The following BASP1 variants were observed in gnomAD, a reference collection of about 807,000 sequenced individuals.
BASP1 encodes the protein brain acid soluble protein 1.
Under a neutral mutation model 2.2 loss-of-function variants are expected in BASP1, and 1 was observed. That is an observed-to-expected ratio of 0.46 (90% CI 0.16 to 2.17). BASP1 has a LOEUF of 2.17. Among genes scored for constraint, BASP1 ranks in the 30% most tolerant of loss-of-function variants. BASP1 has a pLI of 0.27. For synonymous variants in BASP1, 187 were observed against 154.2 expected, an observed-to-expected ratio of 1.21 and a Z score of -1.58; for missense variants, 352 against 327.2, an observed-to-expected ratio of 1.08 and a Z score of -0.58.
chr5:17,227,410 AAT>A (rs1739534533), intron 1 of BASP1, among the ~76,000 whole-genome samples: 2 of 134,114 alleles, frequency 1.5e-5, no homozygotes, highest in African/African-American at 5.8e-5. Flanking sequence ...ATATATATAC[AAT>A]ATTTTTTTTG....
chr5:17,233,990 G>A (rs1426351193), intron 1 of BASP1, among the ~76,000 whole-genome samples: 2 of 152,076 alleles, frequency 1.3e-5, no homozygotes, highest in East Asian at 1.9e-4. Flanking sequence ...AATTAGCTGG[G>A]CGTGGTGGCA....
At position 17,275,511 on chromosome 5, in the gene BASP1, G is replaced by C; in HGVS notation, c.295G>C (p.Glu99Gln). The C allele has an allele frequency of 2.8e-6, 4 of 1,449,128 alleles. No homozygotes were observed. Among genetic ancestry groups the C allele is most frequent in the Non-Finnish European group, 3.6e-6 (4 of 1,104,852 alleles). The allele number at this position is 1,449,128 out of a possible 1,614,324, so 89.8% of individuals were successfully genotyped here. The change falls in exon 2 of 2, where the codon GAG (glutamate) becomes CAG (glutamine). Residue 99 changes from glutamate (E) to glutamine (Q), a missense_variant. Glu to Gln is a conservative substitution (Grantham distance 29, BLOSUM62 2). Transcript: ENST00000322611. This position sits in a 1 kb window ranked among gnomAD's most constrained non-coding sequence, Gnocchi z 5.3. Reference sequence around the variant, plus strand: ...GGAGGGCGCGGCAGAGGCCAAGGCTGAGCCCCCGAAGGCGCCCGAGCAGGA... The same window carrying C: ...GGAGGGCGCGGCAGAGGCCAAGGCTCAGCCCCCGAAGGCGCCCGAGCAGGA... ...KTEGAAEAKAEPPKAPEQEQA... is the reference protein window; with the variant it reads ...KTEGAAEAKAQPPKAPEQEQA...
chr5:17,257,041 T>C (rs1740223791), intron 1 of BASP1, among the ~76,000 whole-genome samples: 1 of 152,200 alleles, frequency 6.6e-6, no homozygotes, highest in Non-Finnish European at 1.5e-5. Context: ...AAAGACACTA[T>C]CTGCTGAGGT....
Position 17,230,197 on chromosome 5 carries a change from C to T in BASP1, c.-10+12387C>T, listed in dbSNP as rs568737011. Among the ~76,000 whole-genome samples the T allele has an allele frequency of 1.6e-4, 24 of 152,274 alleles. 1 individual carries two copies. Among genetic ancestry groups the T allele is most frequent in the Admixed American group, 1.4e-3 (22 of 15,298 alleles). ...GCCTAGGCCACTTTAAAATCCTATTCTAGCATCTGTGCTTTCTTTTAGGGA... is the reference window on the plus strand; with the variant it reads ...GCCTAGGCCACTTTAAAATCCTATTTTAGCATCTGTGCTTTCTTTTAGGGA... On this transcript the variant is annotated intron_variant, in intron 1 of 1. Transcript: ENST00000322611.
intron 1 of BASP1, among the ~76,000 whole-genome samples, chr5:17,219,362 CTGTG>C (rs980474776): frequency 1.3e-5 from 2 of 152,126 alleles, no homozygotes; most frequent in Non-Finnish European, 2.9e-5. Context: ...TTTTTCCCGC[CTGTG>C]TGTGTGTTTC....
At chr5:17,218,964 C>T (rs1483017177) in intron 1 of BASP1, among the ~76,000 whole-genome samples, 1 of 145,270 alleles carries the variant, frequency 6.9e-6, no homozygotes, top group Admixed American at 6.8e-5. Flanking sequence ...TAGCACAGCA[C>T]ACATGGGTGC....
At chr5:17,238,907 A>G (rs1169712402) in intron 1 of BASP1, among the ~76,000 whole-genome samples, 1 of 152,168 alleles carries the variant, frequency 6.6e-6, no homozygotes, top group African/African-American at 2.4e-5. Flanking sequence ...TTTCCCTTCA[A>G]GAGGACTTCC....
At chr5:17,250,039 T>C (rs1412763225) in intron 1 of BASP1, among the ~76,000 whole-genome samples, 1 of 152,182 alleles carries the variant, frequency 6.6e-6, no homozygotes, top group Non-Finnish European at 1.5e-5. Context: ...GCCTCTTGGA[T>C]TCAAGCAATT....
intron 1 of BASP1, among the ~76,000 whole-genome samples, chr5:17,263,262 G>C (rs1432652467): frequency 1.3e-5 from 2 of 151,884 alleles, no homozygotes; most frequent in African/African-American, 4.8e-5. Flanking sequence ...ATCTTTATGG[G>C]GTACAAAGTA....
At chr5:17,220,008 G>A (rs537403566) in intron 1 of BASP1, among the ~76,000 whole-genome samples, 66 of 152,190 alleles carry the variant, frequency 4.3e-4, no homozygotes, top group African/African-American at 1.6e-3. Flanking sequence ...TTTATTTTCA[G>A]GTAGTTTGTT....
chr5:17,234,381 TAA>T (rs113548632), intron 1 of BASP1, among the ~76,000 whole-genome samples: 1 of 148,528 alleles, frequency 6.7e-6, no homozygotes, highest in Admixed American at 6.7e-5. Flanking sequence ...AAGCCGTAAG[TAA>T]AAAAAAAAAT....
intron 1 of BASP1, among the ~76,000 whole-genome samples, chr5:17,262,737 A>G (rs1455983589): frequency 6.6e-6 from 1 of 151,980 alleles, no homozygotes; most frequent in Non-Finnish European, 1.5e-5. Flanking sequence ...TCTCATTTAT[A>G]TTTTAATTGT....
intron 1 of BASP1, among the ~76,000 whole-genome samples, chr5:17,225,293 C>G (rs1243108208): frequency 6.6e-6 from 1 of 151,678 alleles, no homozygotes; most frequent in African/African-American, 2.4e-5. Context: ...CAGTCTGGAT[C>G]CTATATCCGT....
intron 1 of BASP1, among the ~76,000 whole-genome samples, chr5:17,256,130 C>T (rs1740205697): frequency 6.6e-6 from 1 of 152,194 alleles, no homozygotes; most frequent in Non-Finnish European, 1.5e-5. Context: ...TCCACCTTGG[C>T]CCATATCTCA....
At position 17,260,256 on chromosome 5, in the gene BASP1, T is replaced by C. The variant is rs1740290087; in HGVS notation, c.-9-14952T>C. On this transcript the variant is annotated intron_variant, in intron 1 of 1. Coordinates refer to ENST00000322611, the MANE Select transcript of BASP1 (RefSeq NM_006317.5). The surrounding 1 kb of genome is among the most constrained non-coding windows in gnomAD (Gnocchi z 4.2). Reference sequence around the variant, plus strand: ...ATGTATTAAAAAAGAAGAAAAAACCTTCTGCATTAGTGTCTATACAGTCAA... The same window carrying C: ...ATGTATTAAAAAAGAAGAAAAAACCCTCTGCATTAGTGTCTATACAGTCAA... Among the ~76,000 whole-genome samples the C allele has an allele frequency of 6.6e-6, 1 of 152,148 alleles. No homozygotes were observed. The highest frequency in any genetic ancestry group is 2.4e-5 in the African/African-American group (1 of 41,390).
chr5:17,232,555 A>G (rs951158051), intron 1 of BASP1, among the ~76,000 whole-genome samples: 6 of 152,154 alleles, frequency 3.9e-5, no homozygotes, highest in Non-Finnish European at 1.5e-5. Flanking sequence ...ACCTAACCGA[A>G]CCTGTGGTCC....
chr5:17,253,769 G>A (rs1473592084), intron 1 of BASP1, among the ~76,000 whole-genome samples: 1 of 152,042 alleles, frequency 6.6e-6, no homozygotes, highest in Non-Finnish European at 1.5e-5. Flanking sequence ...CCGATACCTG[G>A]GGTTACAGAC....
chr5:17,263,534 T>A (rs1740360439), intron 1 of BASP1, among the ~76,000 whole-genome samples: 1 of 152,326 alleles, frequency 6.6e-6, no homozygotes, highest in African/African-American at 2.4e-5. Flanking sequence ...TGATGAGAGA[T>A]CCCCAAAGAC....
At chr5:17,227,465 G>A (rs1445898042) in intron 1 of BASP1, among the ~76,000 whole-genome samples, 10 of 151,052 alleles carry the variant, frequency 6.6e-5, no homozygotes, top group Admixed American at 2.0e-4. Flanking sequence ...GCAGTGGCAC[G>A]ATCTCGGCTC....
Sources: gnomAD v4.1 joint callset for allele counts (sites outside exome capture counted in the v4.1 genomes callset) on GRCh38, gnomAD v4.1.1 for gene constraint, Gnocchi (gnomAD v3.1) non-coding constraint, MANE v1.5 for transcripts, NCBI Gene and HGNC (gene_info 2026-07-23, HGNC 2026-07-21) for gene names.